ANK3: variants seen among roughly 807,000 people sequenced by gnomAD.
ANK3 encodes ankyrin 3, also known as ankyrin-3.
ANK3 carries 57 observed loss-of-function variants against 370.9 expected under a neutral mutation model. The ratio of observed to expected loss-of-function variants is 0.15; its 90% CI spans 0.12 to 0.19. The LOEUF (loss-of-function observed/expected upper bound fraction) is 0.19. Among genes scored for constraint, ANK3 ranks in the 10% least tolerant of loss-of-function variants. The pLI, the probability that ANK3 is intolerant of heterozygous loss-of-function variation, is 1.00. For missense variants in ANK3, 4,439 were observed against 5,302.1 expected, an observed-to-expected ratio of 0.84 and a Z score of 5.06; for synonymous variants, 1,929 against 1,946.3, an observed-to-expected ratio of 0.99 and a Z score of 0.23.
chr10:60,576,914 T>C (rs2133274264), intron 2 of ANK3, among the ~76,000 whole-genome samples: 1 of 152,340 alleles, frequency 6.6e-6, no homozygotes, highest in African/African-American at 2.4e-5. Context: ...TGAAGAGCTT[T>C]CTTTGCACTA....
intron 25 of ANK3, among the ~76,000 whole-genome samples, chr10:60,119,065 C>G (rs2093304665): frequency 6.6e-6 from 1 of 152,146 alleles, no homozygotes; most frequent in African/African-American, 2.4e-5. Context: ...AGCTATATGT[C>G]CCAATATTTG....
Position 60,131,162 on chromosome 10 carries a change from A to C in ANK3, c.2841+3109T>G, listed in dbSNP as rs188534766. ...TAAGAAAATTATCAATGCTAAAATT[A>C]TCACTGCTAAGAAAATGATCAATGA... is the stretch of plus-strand genomic sequence containing the variant. On this transcript the variant is annotated intron_variant, in intron 25 of 43. Transcript: ENST00000280772. Among the ~76,000 whole-genome samples the C allele has an allele frequency of 1.6e-4, 24 of 152,370 alleles. No individual in the cohort carries two copies. In the East Asian group the frequency reaches 4.4e-3, roughly 28 times the overall value.
chr10:60,461,929 G>C (rs564208965), intron 2 of ANK3, among the ~76,000 whole-genome samples: 45 of 152,300 alleles, frequency 3.0e-4, no homozygotes, highest in African/African-American at 1.1e-3. Flanking sequence ...TCTGTACAAT[G>C]CTGCTTAGAT....
chr10:60,240,305 TA>T (rs1373327692), intron 7 of ANK3, among the ~76,000 whole-genome samples: 5,754 of 90,830 alleles, frequency 0.063, 422 homozygotes, highest in African/African-American at 0.16. Flanking sequence ...TATATATATA[TA>T]TTTTTTTTTC....
At chr10:60,095,559 T>C (rs2089937776) in intron 28 of ANK3, among the ~76,000 whole-genome samples, 1 of 152,216 alleles carries the variant, frequency 6.6e-6, no homozygotes, top group African/African-American at 2.4e-5. Flanking sequence ...TTCTAAACTT[T>C]TTTTGTAGAG....
chr10:60,239,022 C>T (rs781743914), intron 7 of ANK3, among the ~76,000 whole-genome samples: 17 of 152,002 alleles, frequency 1.1e-4, no homozygotes, highest in Non-Finnish European at 2.4e-4. Flanking sequence ...TTGTGGGCTC[C>T]TCAATAGACT....
chr10:60,456,153 T>A (rs2064741945), intron 2 of ANK3, among the ~76,000 whole-genome samples: 1 of 152,196 alleles, frequency 6.6e-6, no homozygotes, highest in African/African-American at 2.4e-5. Context: ...CCGTGGGGTT[T>A]TCTTCTGAGA....
At chr10:60,269,330 A>G (rs933618935) in intron 5 of ANK3, among the ~76,000 whole-genome samples, 8 of 152,158 alleles carry the variant, frequency 5.3e-5, no homozygotes, top group African/African-American at 1.9e-4. Context: ...CAAATACCAC[A>G]TCTATTTAAC....
intron 38 of ANK3, among the ~76,000 whole-genome samples, chr10:60,065,939 GAC>G (rs2081557326): frequency 6.6e-6 from 1 of 152,090 alleles, no homozygotes; most frequent in Non-Finnish European, 1.5e-5. Context: ...TTTGTAGAAT[GAC>G]ACAGTTACAA....
At chr10:60,600,427 C>A (rs2078045183) in intron 2 of ANK3, among the ~76,000 whole-genome samples, 1 of 152,184 alleles carries the variant, frequency 6.6e-6, no homozygotes, top group Non-Finnish European at 1.5e-5. Flanking sequence ...CTTCCATGAT[C>A]ACAAAACTTA....
At chr10:60,665,240 G>T (rs2078981867) in intron 1 of ANK3, among the ~76,000 whole-genome samples, 1 of 152,116 alleles carries the variant, frequency 6.6e-6, no homozygotes, top group Non-Finnish European at 1.5e-5. Flanking sequence ...AATATTTAAA[G>T]AAATATACAA....
intron 36 of ANK3, among the ~76,000 whole-genome samples, chr10:60,079,225 A>ACACACACAC (rs376356885): frequency 1.4e-5 from 2 of 142,648 alleles, no homozygotes; most frequent in African/African-American, 5.3e-5. Context: ...ACACACACAC[A>ACACACACAC]CCCCTCTTCT....
rs2086775275 is a variant in ANK3 at position 60,086,731 on chromosome 10, T to G, written c.3694A>C (p.Asn1232His). The G allele has an allele frequency of 6.2e-7, 1 of 1,613,966 alleles. No homozygotes were observed. Among genetic ancestry groups the G allele is most frequent in the African/African-American group, 1.3e-5 (1 of 74,908 alleles). Residue 1232 changes from asparagine (N) to histidine (H), a missense_variant, in exon 30 of 44, where the codon AAT becomes CAT. Coordinates refer to ENST00000280772, the MANE Select transcript of ANK3 (RefSeq NM_020987.5). Reference protein sequence around the residue: ...VPPPSGEGVSNGYKGDTTPNL... With the variant: ...VPPPSGEGVSHGYKGDTTPNL... Reference sequence around the variant, plus strand: ...GGTGTAGTGTCCCCTTTGTATCCATTGGATACACCTTCTCCTGAGGGCGGG... The same window carrying G: ...GGTGTAGTGTCCCCTTTGTATCCATGGGATACACCTTCTCCTGAGGGCGGG...
chr10:60,378,524 A>G (rs1050754948), intron 1 of ANK3, among the ~76,000 whole-genome samples: 16 of 152,212 alleles, frequency 1.1e-4, no homozygotes, highest in African/African-American at 3.4e-4. Context: ...CAGAATAGAC[A>G]ATGCAAACTT....
At chr10:60,581,597 A>T (rs1292459080) in intron 2 of ANK3, among the ~76,000 whole-genome samples, 14 of 137,838 alleles carry the variant, frequency 1.0e-4, no homozygotes, top group East Asian at 4.1e-4. Flanking sequence ...GCTAATTATT[A>T]TTTTTTTTTT....
At chr10:60,562,253 G>A (rs1398733616) in intron 2 of ANK3, among the ~76,000 whole-genome samples, 2 of 152,148 alleles carry the variant, frequency 1.3e-5, no homozygotes, top group Non-Finnish European at 1.5e-5. Context: ...TCAGCAAATT[G>A]CTTAATGTTC....
chr10:60,077,797 G>A (rs2084175967), intron 36 of ANK3, among the ~76,000 whole-genome samples: 1 of 152,112 alleles, frequency 6.6e-6, no homozygotes, highest in African/African-American at 2.4e-5. Flanking sequence ...AATTTCAAAG[G>A]TACCAATTCT....
At chr10:60,385,118 G>C (rs188182951) in intron 1 of ANK3, among the ~76,000 whole-genome samples, 7 of 152,146 alleles carry the variant, frequency 4.6e-5, no homozygotes, top group Admixed American at 4.6e-4. Flanking sequence ...CTTTGAGCAG[G>C]GTGATTTCCA....
At chr10:60,368,050 C>T (rs1041428723) in intron 1 of ANK3, among the ~76,000 whole-genome samples, 6 of 152,056 alleles carry the variant, frequency 3.9e-5, no homozygotes, top group Non-Finnish European at 8.8e-5. Context: ...ATTGTATACT[C>T]CACGTGTTGC....
Sources: allele counts gnomAD v4.1 joint callset (sites outside exome capture counted in the v4.1 genomes callset), GRCh38; gene constraint gnomAD v4.1.1; transcripts MANE v1.5; gene names NCBI Gene and HGNC (gene_info 2026-07-23, HGNC 2026-07-21).